The following MTOR variants were observed in gnomAD, a reference collection of about 807,000 sequenced individuals.
MTOR encodes serine/threonine-protein kinase mTOR.
In MTOR, 70 loss-of-function variants were observed where a neutral mutation model predicts 319.8. The observed-to-expected ratio is 0.22, with a 90% CI of 0.18 to 0.27. The LOEUF (loss-of-function observed/expected upper bound fraction) is 0.27. MTOR is among the 10% of genes least tolerant of loss of function. The pLI is 1.00. For synonymous variants in MTOR, 1,183 were observed against 1,211.4 expected (o/e 0.98, Z 0.49); for missense variants, 1,890 against 3,274.4 (o/e 0.58, Z 10.32).
intron 19 of MTOR, among the ~76,000 whole-genome samples, chr1:11,221,490 T>C (rs1646661075): frequency 6.6e-6 from 1 of 151,834 alleles, no homozygotes; most frequent in East Asian, 1.9e-4. Flanking sequence ...TATATATATA[T>C]GTATGTAATC....
At chr1:11,194,916 G>A (rs1645722851) in intron 28 of MTOR, 3 of 1,614,032 alleles carry the variant, frequency 1.9e-6, no homozygotes, top group Admixed American at 1.7e-5. Context: ...CCGCCTGGGT[G>A]AGCACAATAA....
chr1:11,196,919 A>G (rs1471533371), intron 28 of MTOR, among the ~76,000 whole-genome samples: 8 of 152,178 alleles, frequency 5.3e-5, no homozygotes, highest in Non-Finnish European at 7.3e-5. Flanking sequence ...GGGCTACCCT[A>G]ATTGTTTCAA....
At chr1:11,136,655 T>C (rs559142110) in intron 36 of MTOR, among the ~76,000 whole-genome samples, 2 of 152,008 alleles carry the variant, frequency 1.3e-5, no homozygotes, top group East Asian at 1.9e-4. Context: ...CACACCACCA[T>C]GCCCAGTTAA....
At chr1:11,219,113 G>A (rs535590957) in intron 19 of MTOR, among the ~76,000 whole-genome samples, 2 of 152,170 alleles carry the variant, frequency 1.3e-5, no homozygotes, top group South Asian at 4.1e-4. Context: ...TACTTGGAAG[G>A]TTGAGGTGGG....
chr1:11,106,935 T>C lies in MTOR; in HGVS notation c.*550A>G. ...TGGGTCTGATGGAAGACAGACCTTT[T>C]GTACTCATTTTGGCCTATCTTGCAA... On this transcript the variant is annotated 3_prime_UTR_variant, in exon 58 of 58. Coordinates refer to ENST00000361445, the MANE Select transcript of MTOR (RefSeq NM_004958.4). 1 of 1,370,280 alleles carries C rather than the reference T, an allele frequency of 7.3e-7. No individual in the cohort carries two copies. The highest frequency in any genetic ancestry group is 9.6e-7 in the Non-Finnish European group (1 of 1,038,676). The allele number at this position is 1,370,280 out of a possible 1,614,324, so 84.9% of individuals were successfully genotyped here.
intron 5 of MTOR, 71 bp from the exon 6 acceptor site, chr1:11,254,044 T>C: frequency 6.3e-7 from 1 of 1,595,150 alleles, no homozygotes; most frequent in Non-Finnish European, 8.6e-7. Context: ...GCCCATCCCA[T>C]CTACACTGGG....
intron 20 of MTOR, 124 bp downstream of exon 20, chr1:11,216,024 T>C (rs1210722085): frequency 3.5e-6 from 2 of 574,060 alleles, no homozygotes; most frequent in African/African-American, 3.7e-5. Context: ...TTGTTCCACT[T>C]CCTGTACTAA....
At chr1:11,159,830 C>T (rs1372020703) in intron 29 of MTOR, among the ~76,000 whole-genome samples, 2 of 152,142 alleles carry the variant, frequency 1.3e-5, no homozygotes, top group Non-Finnish European at 2.9e-5. Context: ...AAGCAACCTA[C>T]ATGACTAACA....
Position 11,237,896 on chromosome 1 carries a change from T to C in MTOR, c.2155A>G (p.Ser719Gly). The change falls in exon 13 of 58, where the codon AGT becomes GGT. Residue 719 changes from serine (S) to glycine (G), a missense_variant. Transcript: ENST00000361445. ...ATGACAAAGGCAGGGTTCATGCTAC[T>C]GAGTCGGCCCACAGTGCAGATGGCC... ...ELAICTVGRLSSMNPAFVMPF... is the reference protein window; with the variant it reads ...ELAICTVGRLGSMNPAFVMPF... 1 of 1,614,168 alleles carries C rather than the reference T, an allele frequency of 6.2e-7. No homozygotes were observed. Among genetic ancestry groups the C allele is most frequent in the East Asian group, 2.2e-5 (1 of 44,874 alleles).
chr1:11,112,133 C>T (rs768209029), intron 54 of MTOR, among the ~76,000 whole-genome samples: 3 of 152,180 alleles, frequency 2.0e-5, no homozygotes, highest in African/African-American at 7.2e-5. Context: ...GTCTTCTAGA[C>T]CCCTGCTCTG....
chr1:11,150,962 G>A lies in MTOR; in HGVS notation c.4470-736C>T, dbSNP rs186469187. On this transcript the variant is annotated intron_variant, in intron 30 of 57. Coordinates refer to ENST00000361445, the MANE Select transcript of MTOR (RefSeq NM_004958.4). ...AATCCGAGTCCCTGATTTCATGTGAGCTTCAAGATGCAGCTAGGAGACTCC... is the reference window on the plus strand; with the variant it reads ...AATCCGAGTCCCTGATTTCATGTGAACTTCAAGATGCAGCTAGGAGACTCC... 2.0e-5 allele frequency among the ~76,000 whole-genome samples: 3 copies of A among 152,276 alleles called. No individual in the cohort carries two copies. In the East Asian group the frequency reaches 5.8e-4, roughly 29 times the overall value.
At chr1:11,222,142 T>C (rs1646685062) in intron 19 of MTOR, among the ~76,000 whole-genome samples, 1 of 151,978 alleles carries the variant, frequency 6.6e-6, no homozygotes, top group South Asian at 2.1e-4. Flanking sequence ...GATCTACACT[T>C]CAAATTACCT....
intron 4 of MTOR, 153 bp from the exon 5 acceptor site, chr1:11,256,345 A>C: frequency 1.0e-6 from 1 of 984,834 alleles, no homozygotes; most frequent in Non-Finnish European, 1.2e-6. Context: ...AGAGGAAGGA[A>C]AGCAAAATTG....
chr1:11,168,555 AC>A (rs1644717895), intron 28 of MTOR, among the ~76,000 whole-genome samples: 1 of 152,028 alleles, frequency 6.6e-6, no homozygotes, highest in Non-Finnish European at 1.5e-5. Flanking sequence ...GCCTCCCTAG[AC>A]CCTCTTCAGG....
chr1:11,239,670 C>T (rs1222868221), intron 11 of MTOR, among the ~76,000 whole-genome samples: 10 of 152,004 alleles, frequency 6.6e-5, no homozygotes, highest in Non-Finnish European at 1.5e-5. Context: ...TTTGGGAGGT[C>T]GAGGCAGGCA....
chr1:11,221,955 ATATG>A (rs1490013365), intron 19 of MTOR, among the ~76,000 whole-genome samples: 6 of 150,906 alleles, frequency 4.0e-5, no homozygotes, highest in Non-Finnish European at 1.5e-5. Context: ...TTATATATAT[ATATG>A]TATCTTCATG....
Position 11,145,042 on chromosome 1 carries a change from T to C in MTOR, c.4690A>G (p.Ile1564Val). The change falls in exon 33 of 58, where the codon ATT becomes GTT. Residue 1564 changes from isoleucine (I) to valine (V), a missense_variant. Around this residue, in one of 15 missense-constraint regions of MTOR, gnomAD observed 276 missense variants for 459.4 expected, o/e 0.60. Coordinates refer to ENST00000361445, the MANE Select transcript of MTOR (RefSeq NM_004958.4). Reference sequence around the variant, plus strand: ...TCCAGCAGGTCCCTGGCCTTGTCAATGCACTAGAAGAGAAACAACCCTTGG... The same window carrying C: ...TCCAGCAGGTCCCTGGCCTTGTCAACGCACTAGAAGAGAAACAACCCTTGG... ...QDLFSLAQQC[I>V]DKARDLLDAE... The C allele has an allele frequency of 1.2e-6, 2 of 1,614,158 alleles. No individual in the cohort carries two copies. The highest frequency in any genetic ancestry group is 1.7e-6 in the Non-Finnish European group (2 of 1,180,008).
At chr1:11,164,375 A>G (rs1644575769) in intron 29 of MTOR, among the ~76,000 whole-genome samples, 1 of 151,786 alleles carries the variant, frequency 6.6e-6, no homozygotes, top group Non-Finnish European at 1.5e-5. Context: ...GAGAAGAATC[A>G]AATATCAAAA....
chr1:11,168,625 G>T (rs1000608461), intron 28 of MTOR, among the ~76,000 whole-genome samples: 4 of 152,196 alleles, frequency 2.6e-5, no homozygotes, highest in African/African-American at 7.2e-5. Context: ...AGAGTTTCTT[G>T]AACTGGCCTC....
Sources: gnomAD v4.1 joint callset for allele counts (sites outside exome capture counted in the v4.1 genomes callset) on GRCh38, gnomAD v4.1.1 for gene constraint, gnomAD v4.1.1 regional missense constraint, MANE v1.5 for transcripts, NCBI Gene and HGNC (gene_info 2026-07-23, HGNC 2026-07-21) for gene names.